The following PRSS12 variants were observed in gnomAD, a reference collection of about 807,000 sequenced individuals.
PRSS12 encodes the protein serine protease 12.
A neutral mutation model predicts 104.4 loss-of-function variants in PRSS12; 85 were observed. The ratio of observed to expected loss-of-function variants is 0.81; its 90% CI spans 0.68 to 0.98. The LOEUF is 0.98. PRSS12 is among the 50% of genes least tolerant of loss of function. The probability of loss-of-function intolerance (pLI) is 0.00; values close to 1 mark genes in which losing one functional copy is unlikely to be tolerated. For synonymous variants in PRSS12, 454 were observed against 425.2 expected (o/e 1.07, Z -0.83); for missense variants, 1,141 against 1,139.2 (o/e 1.00, Z -0.02).
chr4:118,293,274 A>G (rs1353123588), intron 11 of PRSS12, among the ~76,000 whole-genome samples: 1 of 151,952 alleles, frequency 6.6e-6, no homozygotes, highest in Non-Finnish European at 1.5e-5. Flanking sequence ...CATACCATAT[A>G]CTATAAACAA....
At chr4:118,324,972 G>C (rs1488966763) in intron 4 of PRSS12, among the ~76,000 whole-genome samples, 1 of 151,982 alleles carries the variant, frequency 6.6e-6, no homozygotes, top group East Asian at 1.9e-4. Context: ...GCCTCCCAAA[G>C]GATTACAGGC....
chr4:118,292,020 T>A (rs531856498), intron 11 of PRSS12, among the ~76,000 whole-genome samples: 2 of 152,066 alleles, frequency 1.3e-5, no homozygotes, highest in South Asian at 2.1e-4. Context: ...GACACGCGTA[T>A]ACCTATGTAA....
At chr4:118,346,777 G>A (rs1452273137) in intron 1 of PRSS12, among the ~76,000 whole-genome samples, 3 of 152,122 alleles carry the variant, frequency 2.0e-5, no homozygotes, top group Non-Finnish European at 4.4e-5. Flanking sequence ...GATTCTCCTA[G>A]GAGCTCGAAC....
At chr4:118,343,852 A>C (rs1282309018) in intron 1 of PRSS12, among the ~76,000 whole-genome samples, 5 of 152,218 alleles carry the variant, frequency 3.3e-5, no homozygotes, top group Non-Finnish European at 2.9e-5. Context: ...AATGCAGTAA[A>C]AACAAAGACC....
intron 1 of PRSS12, among the ~76,000 whole-genome samples, chr4:118,339,353 C>T (rs1389871088): frequency 6.6e-6 from 1 of 152,146 alleles, no homozygotes; most frequent in Non-Finnish European, 1.5e-5. Flanking sequence ...GCATAATTTG[C>T]ATATTTCAAA....
chr4:118,348,326 T>G (rs893803420), intron 1 of PRSS12, among the ~76,000 whole-genome samples: 1 of 152,216 alleles, frequency 6.6e-6, no homozygotes. Flanking sequence ...TGGCATGCCT[T>G]ACACCTGCTC....
chr4:118,307,954 T>A (rs957260712), intron 8 of PRSS12, among the ~76,000 whole-genome samples: 2 of 151,750 alleles, frequency 1.3e-5, no homozygotes, highest in African/African-American at 2.4e-5. Flanking sequence ...TGTTAACAAG[T>A]ATGAAAGCTG....
chr4:118,317,381 C>G (rs1450156736), intron 5 of PRSS12, among the ~76,000 whole-genome samples: 1 of 152,034 alleles, frequency 6.6e-6, no homozygotes, highest in Non-Finnish European at 1.5e-5. Context: ...TATAAATAAT[C>G]TTGGGTAAGG....
chr4:118,350,709 T>TTAC (rs1437983976), intron 1 of PRSS12, among the ~76,000 whole-genome samples: 1 of 141,242 alleles, frequency 7.1e-6, no homozygotes, highest in Non-Finnish European at 1.6e-5. Flanking sequence ...CAAGGACAAG[T>TTAC]TACTCTCCAT....
intron 10 of PRSS12, among the ~76,000 whole-genome samples, 196 bp downstream of exon 10, chr4:118,295,582 A>T (rs1743234680): frequency 6.6e-6 from 1 of 152,246 alleles, no homozygotes; most frequent in Non-Finnish European, 1.5e-5. Flanking sequence ...CTCTTAAATC[A>T]GGCTGGTATA....
chr4:118,320,489 C>T (rs557790020), intron 4 of PRSS12, among the ~76,000 whole-genome samples: 14 of 152,084 alleles, frequency 9.2e-5, no homozygotes, highest in Non-Finnish European at 1.0e-4. Context: ...CAGTGGCTCA[C>T]GCCTGTAATC....
chr4:118,349,395 A>G (rs4834681), intron 1 of PRSS12, among the ~76,000 whole-genome samples: 6 of 147,800 alleles, frequency 4.1e-5, no homozygotes, highest in African/African-American at 1.5e-4. Flanking sequence ...CAGAGAGAGA[A>G]CCTATCTCAA....
intron 1 of PRSS12, among the ~76,000 whole-genome samples, chr4:118,348,156 G>A (rs1035885401): frequency 6.6e-6 from 1 of 152,150 alleles, no homozygotes; most frequent in African/African-American, 2.4e-5. Flanking sequence ...TTGATCCTGA[G>A]AGGCAGAGGT....
At chr4:118,306,170 C>A (rs2126031514) in intron 8 of PRSS12, among the ~76,000 whole-genome samples, 1 of 152,182 alleles carries the variant, frequency 6.6e-6, no homozygotes, top group Admixed American at 6.5e-5. Context: ...GTGGCTGTAC[C>A]ATTCTACATT....
chr4:118,327,885 G>A (rs915829193), intron 4 of PRSS12, among the ~76,000 whole-genome samples: 10 of 152,100 alleles, frequency 6.6e-5, no homozygotes, highest in African/African-American at 2.2e-4. Context: ...TAGGAAGCTT[G>A]CCAGCTACCA....
At chr4:118,282,781 GATA>G in intron 12 of PRSS12, 47 bp downstream of exon 12, 1 of 1,610,538 alleles carries the variant, frequency 6.2e-7, no homozygotes, top group Non-Finnish European at 8.5e-7. Context: ...CAAATATATG[GATA>G]ATACCAGACA....
At chr4:118,352,098 A>C (rs1269718080) in intron 1 of PRSS12, 121 bp downstream of exon 1, 1 of 1,424,216 alleles carries the variant, frequency 7.0e-7, no homozygotes, top group African/African-American at 1.4e-5. Context: ...CACAGCCCGC[A>C]AACGCAAGCC....
At chr4:118,342,635 T>A (rs1724245482) in intron 1 of PRSS12, among the ~76,000 whole-genome samples, 1 of 152,198 alleles carries the variant, frequency 6.6e-6, no homozygotes, top group African/African-American at 2.4e-5. Context: ...TCTGGAATTG[T>A]ACCACTATGC....
rs1742837260 is a variant in PRSS12, at chr4:118,281,113, ACT to A, written c.*821_*822del. 1 of 152,212 alleles carries A rather than the reference ACT, an allele frequency of 6.6e-6. No individual in the cohort carries two copies. Among genetic ancestry groups the A allele is most frequent in the Non-Finnish European group, 1.5e-5 (1 of 68,050 alleles). The allele number at this position is 152,212 out of a possible 1,614,324, so 9.4% of individuals were successfully genotyped here. A position where few individuals can be genotyped will look rare whatever the true frequency, so the allele number is the denominator to read the frequency against. On this transcript the variant is annotated 3_prime_UTR_variant, in exon 13 of 13. Coordinates refer to ENST00000296498, the MANE Select transcript of PRSS12 (RefSeq NM_003619.4). ...TTACAGGGAAGTGTCAGTGGGTGGC[ACT>A]CTTACATCATGGTCGGGGAACGTGG...
Sources: gnomAD v4.1 joint callset for allele counts (sites outside exome capture counted in the v4.1 genomes callset) on GRCh38, gnomAD v4.1.1 for gene constraint, MANE v1.5 for transcripts, NCBI Gene and HGNC (gene_info 2026-07-23, HGNC 2026-07-21) for gene names.